RAPGEF6: variants seen among roughly 807,000 people sequenced by gnomAD.
RAPGEF6 encodes Rap guanine nucleotide exchange factor 6.
RAPGEF6 carries 56 observed loss-of-function variants against 171.4 expected under a neutral mutation model. The observed-to-expected ratio is 0.33, with a 90% CI of 0.26 to 0.41. RAPGEF6 has a LOEUF of 0.41. Ranked by LOEUF, RAPGEF6 falls within the 10% of genes least tolerant of loss-of-function variation. The probability of loss-of-function intolerance (pLI) is 1.00; values close to 1 mark genes in which losing one functional copy is unlikely to be tolerated. For missense variants in RAPGEF6, 1,674 were observed against 1,921.4 expected, an observed-to-expected ratio of 0.87 and a Z score of 2.41; for synonymous variants, 692 against 650.1, an observed-to-expected ratio of 1.06 and a Z score of -0.98.
In RAPGEF6 at chr5:131,464,040, C is replaced by T; in HGVS notation, c.2480+1G>A. 6.3e-7 allele frequency: 1 copy of T among 1,584,778 alleles called. No homozygotes were observed. The highest frequency in any genetic ancestry group is 8.6e-7 in the Non-Finnish European group (1 of 1,164,994). On this transcript the variant is annotated splice_donor_variant, in intron 18 of 27. Transcript: ENST00000509018. LOFTEE classifies it high-confidence loss of function. The stretch of plus-strand genomic sequence containing the variant: ...GCACATCCACTAATAAGCTTATTCA[C>T]CTTCCATTGAGTTGAATTCTATCAG...
chr5:131,434,212 A>T (rs1363254854), intron 24 of RAPGEF6, among the ~76,000 whole-genome samples: 1 of 152,168 alleles, frequency 6.6e-6, no homozygotes, highest in Non-Finnish European at 1.5e-5. Flanking sequence ...CCACCTAAGA[A>T]GTCTTGTCTT....
intron 6 of RAPGEF6, among the ~76,000 whole-genome samples, chr5:131,542,410 A>G (rs1310932621): frequency 6.6e-6 from 1 of 152,184 alleles, no homozygotes; most frequent in Non-Finnish European, 1.5e-5. Context: ...TTATCTATCA[A>G]GACAGACATA....
At chr5:131,580,542 G>A (rs57565762) in intron 4 of RAPGEF6, among the ~76,000 whole-genome samples, 14,393 of 152,198 alleles carry the variant, frequency 0.095, 1,822 homozygotes, top group African/African-American at 0.29. Context: ...CCGAGGAGGC[G>A]GTGAGAGCGA....
intron 17 of RAPGEF6, among the ~76,000 whole-genome samples, chr5:131,465,139 G>A (rs1754243633): frequency 6.6e-6 from 1 of 152,016 alleles, no homozygotes; most frequent in Non-Finnish European, 1.5e-5. Context: ...GTCCAACTAT[G>A]AAGTGGAAAA....
rs374250512 is a variant in RAPGEF6 at position 131,498,424 on chromosome 5, T to C, written c.1419+19A>G. The C allele has an allele frequency of 1.8e-5, 29 of 1,577,080 alleles. No individual in the cohort carries two copies. The South Asian group carries it at 2.0e-4, about 11-fold the overall frequency. On this transcript the variant is annotated intron_variant, in intron 12 of 27. Coordinates refer to ENST00000509018, the MANE Select transcript of RAPGEF6 (RefSeq NM_016340.6). ...AAATTTTGGGTTAAAATCACTTTCA[T>C]GCCCCTTATAAAACCAACCTTATCT...
chr5:131,537,377 T>C (rs1417286935), intron 6 of RAPGEF6, among the ~76,000 whole-genome samples: 2 of 152,182 alleles, frequency 1.3e-5, no homozygotes, highest in African/African-American at 4.8e-5. Flanking sequence ...TAGTGAATAA[T>C]AAAGACAATT....
rs181504211 is a variant in RAPGEF6 at position 131,455,789 on chromosome 5, A to C, written c.3076+12T>G. On this transcript the variant is annotated intron_variant, in intron 20 of 27. Coordinates refer to ENST00000509018, the MANE Select transcript of RAPGEF6 (RefSeq NM_016340.6). ...CCATGTGGTAAAACATCAATAAATA[A>C]TGTTTTCATACCTTCATGTAGAAAT... 5,723 of 1,599,030 alleles carry C rather than the reference A, an allele frequency of 3.6e-3. 20 individuals carry two copies. The highest frequency in any genetic ancestry group is 4.4e-3 in the Admixed American group (266 of 59,920).
intron 7 of RAPGEF6, among the ~76,000 whole-genome samples, chr5:131,518,399 A>T (rs1423021463): frequency 3.5e-5 from 5 of 144,806 alleles, no homozygotes; most frequent in Admixed American, 1.4e-4. Context: ...AGAGTTTGAA[A>T]TTTTTTTTTT....
At chr5:131,618,467 A>C (rs975978931) in intron 1 of RAPGEF6, among the ~76,000 whole-genome samples, 2 of 151,926 alleles carry the variant, frequency 1.3e-5, no homozygotes, top group African/African-American at 4.8e-5. Flanking sequence ...CCCCATCTCT[A>C]CTTTAAAAAA....
At chr5:131,623,951 C>T (rs974706414) in intron 1 of RAPGEF6, among the ~76,000 whole-genome samples, 3 of 151,956 alleles carry the variant, frequency 2.0e-5, no homozygotes, top group African/African-American at 4.8e-5. Context: ...GTAATTACTA[C>T]GGTGGAAGAA....
At chr5:131,567,706 T>C (rs966658201) in intron 4 of RAPGEF6, among the ~76,000 whole-genome samples, 5 of 152,148 alleles carry the variant, frequency 3.3e-5, no homozygotes, top group Non-Finnish European at 7.4e-5. Flanking sequence ...AAAAAAAAGA[T>C]TATATATCAG....
At chr5:131,521,932 CCCT>C (rs1168607564) in intron 6 of RAPGEF6, among the ~76,000 whole-genome samples, 4 of 151,830 alleles carry the variant, frequency 2.6e-5, no homozygotes, top group African/African-American at 4.8e-5. Context: ...CTCCCTCCCT[CCCT>C]CCTAATAAAA....
intron 4 of RAPGEF6, among the ~76,000 whole-genome samples, chr5:131,580,163 C>T (rs1762861380): frequency 6.6e-6 from 1 of 152,204 alleles, no homozygotes; most frequent in African/African-American, 2.4e-5. Context: ...GGCTGCAGGT[C>T]CCCAGCTCTG....
At position 131,612,842 on chromosome 5, in the gene RAPGEF6, A is replaced by G. The variant is rs112440814; in HGVS notation, c.70-8149T>C. 3.1e-3 allele frequency among the ~76,000 whole-genome samples: 475 copies of G among 152,334 alleles called. 1 individual carries two copies. Among genetic ancestry groups the G allele is most frequent in the African/African-American group, 0.011 (454 of 41,576 alleles). Reference sequence around the variant, plus strand: ...GGACATCTTCGGCACATCATTAACAATGCCATGAATATATGAGAAAGAATT... The same window carrying G: ...GGACATCTTCGGCACATCATTAACAGTGCCATGAATATATGAGAAAGAATT... On this transcript the variant is annotated intron_variant, in intron 1 of 27. Coordinates refer to ENST00000509018, the MANE Select transcript of RAPGEF6 (RefSeq NM_016340.6).
intron 6 of RAPGEF6, among the ~76,000 whole-genome samples, chr5:131,539,178 C>A (rs1035778020): frequency 2.0e-5 from 3 of 152,068 alleles, no homozygotes; most frequent in Non-Finnish European, 4.4e-5. Flanking sequence ...ATCAAAGATC[C>A]CATTTGCAAA....
chr5:131,594,669 T>G (rs934601994), intron 3 of RAPGEF6, among the ~76,000 whole-genome samples: 1 of 152,134 alleles, frequency 6.6e-6, no homozygotes, highest in African/African-American at 2.4e-5. Context: ...ACAGGGGCTG[T>G]ACCCTGCAGA....
intron 12 of RAPGEF6, among the ~76,000 whole-genome samples, chr5:131,497,532 T>C (rs1430270435): frequency 1.3e-5 from 2 of 152,212 alleles, no homozygotes; most frequent in East Asian, 3.8e-4. Context: ...TTTTTGTTTA[T>C]AGTATAAGGT....
intron 3 of RAPGEF6, among the ~76,000 whole-genome samples, chr5:131,601,548 A>C (rs1329556990): frequency 6.6e-6 from 1 of 152,242 alleles, no homozygotes; most frequent in Non-Finnish European, 1.5e-5. Flanking sequence ...AATACCTGAT[A>C]GAAACATAAA....
chr5:131,599,359 A>G (rs1764090525), intron 3 of RAPGEF6, among the ~76,000 whole-genome samples: 1 of 152,086 alleles, frequency 6.6e-6, no homozygotes, highest in African/African-American at 2.4e-5. Flanking sequence ...AACAAAACGA[A>G]CAAACAAAAA....
Sources: allele counts gnomAD v4.1 joint callset (sites outside exome capture counted in the v4.1 genomes callset), GRCh38; gene constraint gnomAD v4.1.1; transcripts MANE v1.5; gene names NCBI Gene and HGNC (gene_info 2026-07-23, HGNC 2026-07-21).